Variants in BLK observed in about 807,000 individuals in gnomAD.
BLK encodes BLK proto-oncogene, Src family tyrosine kinase, also known as tyrosine-protein kinase Blk.
Under a neutral mutation model 61.8 loss-of-function variants are expected in BLK, and 64 were observed. That is an observed-to-expected ratio of 1.03 (90% CI 0.85 to 1.27). BLK has a LOEUF of 1.27. Ranked by LOEUF, BLK falls within the 50% of genes most tolerant of loss-of-function variation. BLK has a pLI of 0.00. For missense variants in BLK, 853 were observed against 660.5 expected (o/e 1.29, Z -3.19); for synonymous variants, 351 against 272.0 (o/e 1.29, Z -2.86).
chr8:11,545,744 A>G (rs1653966833), intron 2 of BLK: 1 of 445,568 alleles, frequency 2.2e-6, no homozygotes, highest in African/African-American at 2.0e-5. Flanking sequence ...TTGATCTTGT[A>G]ATGGTAGAGC....
rs1585347544 is a variant in BLK, at chr8:11,520,209, G to A, written c.-1-23015G>A. Among the ~76,000 whole-genome samples the A allele has an allele frequency of 3.9e-5, 6 of 152,214 alleles. No individual in the cohort carries two copies. In the South Asian group the frequency reaches 6.2e-4, roughly 16 times the overall value. On this transcript the variant is annotated intron_variant, in intron 1 of 12. Transcript: ENST00000259089. ...AAGAACCACATAGCCAGGCACGGTGGCTCACAAGTGTAATCCCAGCACTTT... is the reference window on the plus strand; with the variant it reads ...AAGAACCACATAGCCAGGCACGGTGACTCACAAGTGTAATCCCAGCACTTT...
intron 1 of BLK, among the ~76,000 whole-genome samples, chr8:11,505,436 T>G (rs978719274): frequency 4.6e-5 from 7 of 152,170 alleles, no homozygotes; most frequent in Non-Finnish European, 1.0e-4. Flanking sequence ...GAGGGTGACC[T>G]GGACACTCAT....
chr8:11,538,552 G>A (rs1047193371), intron 1 of BLK, among the ~76,000 whole-genome samples: 2 of 152,172 alleles, frequency 1.3e-5, no homozygotes, highest in Non-Finnish European at 2.9e-5. Context: ...CCGGTTCTTT[G>A]TTCAATAAAT....
rs1437817596 is a variant in BLK, at chr8:11,548,949, A to G, written c.270-75A>G. ...TGCCCTCCAGGGAGAGATGACTTTG[A>G]GGAGGCCTGAGAGCTGCCCAGTGAC... On this transcript the variant is annotated intron_variant, in intron 4 of 12. Transcript: ENST00000259089. 2.3e-6 allele frequency: 3 copies of G among 1,315,368 alleles called. No homozygotes were observed. The East Asian group carries it at 7.4e-5, about 33-fold the overall frequency. 81.5% of individuals were successfully genotyped at this position (1,315,368 alleles called of 1,614,324 possible).
chr8:11,551,914 C>T (rs1800921909), intron 6 of BLK, among the ~76,000 whole-genome samples: 1 of 152,176 alleles, frequency 6.6e-6, no homozygotes, highest in African/African-American at 2.4e-5. Context: ...CCAAGCTCTA[C>T]AACGTGGCAA....
chr8:11,521,072 T>C (rs915325440), intron 1 of BLK, among the ~76,000 whole-genome samples: 11 of 152,174 alleles, frequency 7.2e-5, no homozygotes, highest in African/African-American at 2.7e-4. Flanking sequence ...AATTAATTTA[T>C]GTGGTTCTAT....
intron 1 of BLK, among the ~76,000 whole-genome samples, chr8:11,507,947 G>A (rs1054911852): frequency 1.3e-5 from 2 of 152,128 alleles, no homozygotes; most frequent in Non-Finnish European, 2.9e-5. Context: ...TAGAGTCAAC[G>A]GCCTTCCAGT....
In BLK at chr8:11,558,055, G is replaced by C. The variant is rs777699975; in HGVS notation, c.1029+17G>C. The C allele has an allele frequency of 1.2e-6, 2 of 1,613,750 alleles. No homozygotes were observed. Among genetic ancestry groups the C allele is most frequent in the East Asian group, 4.5e-5 (2 of 44,860 alleles). On this transcript the variant is annotated intron_variant, in intron 10 of 12. Coordinates refer to ENST00000259089, the MANE Select transcript of BLK (RefSeq NM_001715.3). ...TCGGCGCAGGTTGGTGAAGTACCAG[G>C]TGCAGAGAAAGGGCGGCATGTGCCA...
chr8:11,517,634 C>T (rs1799279141), intron 1 of BLK, among the ~76,000 whole-genome samples: 1 of 152,230 alleles, frequency 6.6e-6, no homozygotes, highest in South Asian at 2.1e-4. Context: ...TGGGAGGAAA[C>T]AGCATGTTGG....
At chr8:11,545,879 A>G (rs1384767887) in intron 2 of BLK, 173 bp from the exon 3 acceptor site, 12 of 745,574 alleles carry the variant, frequency 1.6e-5, no homozygotes, top group Non-Finnish European at 2.7e-5. Flanking sequence ...GTCTGAGGGT[A>G]GTGCTGGTCC....
intron 12 of BLK, among the ~76,000 whole-genome samples, 162 bp downstream of exon 12, chr8:11,563,272 C>T (rs545408081): frequency 6.6e-6 from 1 of 152,324 alleles, no homozygotes; most frequent in South Asian, 2.1e-4. Context: ...GCTCTGCCCC[C>T]TGCATCACTA....
intron 1 of BLK, among the ~76,000 whole-genome samples, chr8:11,502,635 G>C (rs1798607876): frequency 6.6e-6 from 1 of 152,188 alleles, no homozygotes; most frequent in South Asian, 2.1e-4. Context: ...GAATAATTCA[G>C]CTCACAAAAT....
chr8:11,556,997 G>A (rs765458339), intron 9 of BLK, among the ~76,000 whole-genome samples, 160 bp downstream of exon 9: 1 of 151,972 alleles, frequency 6.6e-6, no homozygotes, highest in African/African-American at 2.4e-5. Context: ...GGAGGGGGAG[G>A]GACAGAGGGA....
At chr8:11,559,396 GACACACAC>G (rs145806791) in intron 10 of BLK, among the ~76,000 whole-genome samples, 2 of 149,752 alleles carry the variant, frequency 1.3e-5, no homozygotes, top group African/African-American at 4.9e-5. Flanking sequence ...CACACAGACA[GACACACAC>G]ACAGACACAC....
chr8:11,512,478 T>C (rs930668296), intron 1 of BLK, among the ~76,000 whole-genome samples: 5 of 152,236 alleles, frequency 3.3e-5, no homozygotes, highest in African/African-American at 9.6e-5. Context: ...TTAGGTTCAA[T>C]TGGGTCTCAA....
chr8:11,540,255 C>T (rs1216056010), intron 1 of BLK, among the ~76,000 whole-genome samples: 1 of 151,960 alleles, frequency 6.6e-6, no homozygotes, highest in Non-Finnish European at 1.5e-5. Flanking sequence ...GGTAAATAGT[C>T]ATTTTCCTAA....
At chr8:11,539,309 C>T (rs7014565) in intron 1 of BLK, among the ~76,000 whole-genome samples, 20,381 of 152,128 alleles carry the variant, frequency 0.13, 1,618 homozygotes, top group East Asian at 0.24. Context: ...AACATGGTAC[C>T]GAAATTCCTC....
chr8:11,544,298 T>C (rs1348653914), intron 2 of BLK, among the ~76,000 whole-genome samples: 1 of 152,032 alleles, frequency 6.6e-6, no homozygotes, highest in Non-Finnish European at 1.5e-5. Context: ...CTTTGTGCTC[T>C]CTCCACTCCC....
intron 1 of BLK, among the ~76,000 whole-genome samples, chr8:11,537,217 C>G (rs1800169645): frequency 6.6e-6 from 1 of 152,134 alleles, no homozygotes; most frequent in Non-Finnish European, 1.5e-5. Flanking sequence ...AGGCCAATCA[C>G]CGTACTTTCT....
Sources: gnomAD v4.1 joint callset for allele counts (sites outside exome capture counted in the v4.1 genomes callset) on GRCh38, gnomAD v4.1.1 for gene constraint, MANE v1.5 for transcripts, NCBI Gene and HGNC (gene_info 2026-07-23, HGNC 2026-07-21) for gene names.